The following CLASP1 variants were observed in gnomAD, a reference collection of about 807,000 sequenced individuals.
CLASP1 encodes cytoplasmic linker associated protein 1.
A neutral mutation model predicts 192.3 loss-of-function variants in CLASP1; 38 were observed. The observed-to-expected ratio is 0.20, with a 90% CI of 0.15 to 0.26. CLASP1 has a LOEUF of 0.26. Ranked by LOEUF, CLASP1 falls within the 10% of genes least tolerant of loss-of-function variation. The pLI, the probability that CLASP1 is intolerant of heterozygous loss-of-function variation, is 1.00. For synonymous variants in CLASP1, 691 were observed against 712.8 expected (o/e 0.97, Z 0.49); for missense variants, 1,433 against 1,932.5 (o/e 0.74, Z 4.85).
chr2:121,597,875 C>T (rs72972737), intron 2 of CLASP1, among the ~76,000 whole-genome samples: 29 of 152,298 alleles, frequency 1.9e-4, no homozygotes, highest in African/African-American at 6.7e-4. Context: ...AAGTCCCCCC[C>T]CAATTCCCTC....
intron 2 of CLASP1, among the ~76,000 whole-genome samples, chr2:121,553,149 A>G (rs2058196889): frequency 1.3e-5 from 2 of 152,188 alleles, no homozygotes; most frequent in Admixed American, 6.5e-5. Context: ...ATGAGAACAC[A>G]TGAACACAAA....
chr2:121,387,765 C>T, exon 31 of CLASP1: 1 of 1,613,954 alleles, frequency 6.2e-7, no homozygotes, highest in Non-Finnish European at 8.5e-7. Context: ...GCACTCACCA[C>T]ACTGGTGTTA....
At chr2:121,353,777 C>T (rs1019593089) in intron 37 of CLASP1, among the ~76,000 whole-genome samples, 5 of 147,602 alleles carry the variant, frequency 3.4e-5, no homozygotes, top group African/African-American at 8.0e-5. Flanking sequence ...CCATAGTGTG[C>T]GTGTGCACAT....
intron 37 of CLASP1, among the ~76,000 whole-genome samples, chr2:121,356,760 T>A (rs976037564): frequency 6.6e-6 from 1 of 152,214 alleles, no homozygotes; most frequent in South Asian, 2.1e-4. Context: ...AAGACAGTCA[T>A]CACATCCTTG....
intron 2 of CLASP1, among the ~76,000 whole-genome samples, chr2:121,576,674 C>T (rs905644874): frequency 6.6e-6 from 1 of 152,126 alleles, no homozygotes; most frequent in Admixed American, 6.5e-5. Flanking sequence ...AATGGAACAC[C>T]AAGTATGTTT....
intron 23 of CLASP1, among the ~76,000 whole-genome samples, chr2:121,415,557 T>G (rs138190001): frequency 2.9e-4 from 44 of 152,340 alleles, no homozygotes; most frequent in Non-Finnish European, 4.9e-4. Flanking sequence ...TAGAAATAAT[T>G]ATGAAATAAA....
intron 6 of CLASP1, among the ~76,000 whole-genome samples, chr2:121,516,812 AG>A (rs2150356326): frequency 6.6e-6 from 1 of 152,040 alleles, no homozygotes; most frequent in East Asian, 1.9e-4. Context: ...GCAGATCACG[AG>A]GTCTGGAGTT....
intron 2 of CLASP1, among the ~76,000 whole-genome samples, chr2:121,536,640 A>G (rs780863222): frequency 1.1e-4 from 17 of 152,182 alleles, no homozygotes; most frequent in African/African-American, 2.2e-4. Context: ...AAACACTACA[A>G]CATGGATGAA....
intron 14 of CLASP1, among the ~76,000 whole-genome samples, chr2:121,455,793 T>C (rs1168993325): frequency 6.6e-6 from 1 of 151,718 alleles, no homozygotes; most frequent in East Asian, 2.0e-4. Flanking sequence ...GCCCAGGAGT[T>C]AGAGATTGCA....
intron 2 of CLASP1, among the ~76,000 whole-genome samples, chr2:121,599,808 T>C (rs1488733968): frequency 6.7e-6 from 1 of 149,416 alleles, no homozygotes; most frequent in East Asian, 2.0e-4. Context: ...TAATCCCAGC[T>C]ACTCAGGAGG....
intron 1 of CLASP1, among the ~76,000 whole-genome samples, chr2:121,646,907 G>A (rs550596851): frequency 6.6e-6 from 1 of 152,070 alleles, no homozygotes; most frequent in East Asian, 1.9e-4. Context: ...GGGCATGGTG[G>A]CGGGCACCTG....
intron 1 of CLASP1, among the ~76,000 whole-genome samples, chr2:121,648,286 C>T (rs1458987630): frequency 6.6e-6 from 1 of 152,170 alleles, no homozygotes; most frequent in East Asian, 1.9e-4. Context: ...CGGCATGAAA[C>T]TATTTCTCGC....
intron 19 of CLASP1, among the ~76,000 whole-genome samples, chr2:121,440,651 A>G (rs1029859624): frequency 6.6e-6 from 1 of 152,246 alleles, no homozygotes; most frequent in Non-Finnish European, 1.5e-5. Flanking sequence ...TGATCATGCC[A>G]TTGTACTCTA....
exon 34 of CLASP1, chr2:121,377,623 A>G (rs749127142): frequency 1.9e-6 from 3 of 1,589,586 alleles, no homozygotes; most frequent in Non-Finnish European, 2.6e-6. Context: ...TTCAGAGTTC[A>G]GGTTCTCTGT....
At position 121,638,871 on chromosome 2, in the gene CLASP1, G is replaced by A. The variant is rs538724845; in HGVS notation, c.-286+10501C>T. ...TTTAGTAGAGACAGGGTTTCACCATGTTGGTCAGGCTGGTCTTGAACTCCT... is the reference window on the plus strand; with the variant it reads ...TTTAGTAGAGACAGGGTTTCACCATATTGGTCAGGCTGGTCTTGAACTCCT... On this transcript the variant is annotated intron_variant, in intron 1 of 39. Coordinates refer to ENST00000263710, the Ensembl canonical transcript of CLASP1. Among the ~76,000 whole-genome samples the A allele has an allele frequency of 2.6e-5, 4 of 152,172 alleles. No individual in the cohort carries two copies. The East Asian group carries it at 7.8e-4, about 30-fold the overall frequency.
intron 33 of CLASP1, among the ~76,000 whole-genome samples, chr2:121,381,712 C>G (rs970111041): frequency 6.6e-6 from 1 of 152,170 alleles, no homozygotes; most frequent in Non-Finnish European, 1.5e-5. Flanking sequence ...GATCTGTGTG[C>G]TCAGACTACC....
intron 2 of CLASP1, among the ~76,000 whole-genome samples, chr2:121,560,264 G>A (rs2058958470): frequency 6.6e-6 from 1 of 152,230 alleles, no homozygotes; most frequent in Non-Finnish European, 1.5e-5. Context: ...AGATGTCTGT[G>A]TTATGAAGTT....
At chr2:121,627,347 G>T (rs542961231) in intron 1 of CLASP1, among the ~76,000 whole-genome samples, 1 of 152,312 alleles carries the variant, frequency 6.6e-6, no homozygotes, top group South Asian at 2.1e-4. Context: ...AAGGCTCTTG[G>T]TTCCAGTTTC....
At chr2:121,442,802 A>G (rs1036232687) in intron 19 of CLASP1, among the ~76,000 whole-genome samples, 1 of 152,174 alleles carries the variant, frequency 6.6e-6, no homozygotes, top group East Asian at 1.9e-4. Flanking sequence ...TTTAGAGCAT[A>G]TAACTGTTTT....
Sources: gnomAD v4.1 joint callset for allele counts (sites outside exome capture counted in the v4.1 genomes callset) on GRCh38, gnomAD v4.1.1 for gene constraint, MANE v1.5 for transcripts, NCBI Gene and HGNC (gene_info 2026-07-23, HGNC 2026-07-21) for gene names.